Variants in NCAM1 observed in about 807,000 individuals in gnomAD.
NCAM1 encodes neural cell adhesion molecule 1.
In NCAM1, 14 loss-of-function variants were observed where a neutral mutation model predicts 109.8. The observed-to-expected ratio is 0.13, with a 90% confidence interval of 0.08 to 0.20. The LOEUF is 0.20. Among genes scored for constraint, NCAM1 ranks in the 10% least tolerant of loss-of-function variants. The pLI is 1.00. For missense variants in NCAM1, 774 were observed against 1,109.9 expected, an observed-to-expected ratio of 0.70 and a Z score of 4.30; for synonymous variants, 418 against 442.9, an observed-to-expected ratio of 0.94 and a Z score of 0.70.
At chr11:113,271,991 C>T in intron 19 of NCAM1, 115 bp downstream of exon 19, 3 of 702,270 alleles carry the variant, frequency 4.3e-6, no homozygotes, top group Non-Finnish European at 6.8e-6. Context: ...ACAGTTCAGG[C>T]CAGGATTCCA....
Position 113,277,475 on chromosome 11 carries a change from G to C in NCAM1, c.*2088G>C. On this transcript the variant is annotated 3_prime_UTR_variant, in exon 20 of 20. Transcript: ENST00000316851. ...TAGAGGAACATGAAGAGAGATCTTA[G>C]AGCACACAGTAGAATGTGAGAGCCT... 2.5e-6 allele frequency: 1 copy of C among 399,018 alleles called. No homozygotes were observed. 24.7% of individuals were successfully genotyped at this position (399,018 alleles called of 1,614,324 possible).
At chr11:113,093,348 C>T (rs1939444733) in intron 1 of NCAM1, among the ~76,000 whole-genome samples, 1 of 152,176 alleles carries the variant, frequency 6.6e-6, no homozygotes, top group Non-Finnish European at 1.5e-5. Context: ...TCAAGGAAAG[C>T]TTGTTTCAAA....
chr11:112,995,711 A>G (rs1951574611), intron 1 of NCAM1, among the ~76,000 whole-genome samples: 1 of 152,204 alleles, frequency 6.6e-6, no homozygotes, highest in African/African-American at 2.4e-5. Flanking sequence ...AACTCTGCAT[A>G]GTTTTTTGAT....
intron 7 of NCAM1, among the ~76,000 whole-genome samples, chr11:113,210,775 A>ACAC (rs1944363983): frequency 6.9e-5 from 9 of 130,978 alleles, no homozygotes; most frequent in East Asian, 2.3e-4. Flanking sequence ...CTTCATCACA[A>ACAC]ACACACACAC....
At chr11:113,164,783 TA>T (rs1238200726) in intron 1 of NCAM1, among the ~76,000 whole-genome samples, 8 of 152,098 alleles carry the variant, frequency 5.3e-5, no homozygotes, top group Admixed American at 2.0e-4. Context: ...CAGAGATTTT[TA>T]TGGAGGCTTC....
At chr11:113,084,556 T>G (rs1938992336) in intron 1 of NCAM1, among the ~76,000 whole-genome samples, 1 of 152,212 alleles carries the variant, frequency 6.6e-6, no homozygotes, top group Non-Finnish European at 1.5e-5. Context: ...CTTCGTGGTA[T>G]AAAAATAATG....
chr11:113,184,804 C>T (rs2136633685), intron 1 of NCAM1, among the ~76,000 whole-genome samples: 1 of 152,206 alleles, frequency 6.6e-6, no homozygotes, highest in Non-Finnish European at 1.5e-5. Flanking sequence ...TGTGAGTTGT[C>T]ATCCTGGGCT....
At chr11:112,997,251 C>G (rs1323515319) in intron 1 of NCAM1, among the ~76,000 whole-genome samples, 1 of 152,052 alleles carries the variant, frequency 6.6e-6, no homozygotes, top group South Asian at 2.1e-4. Flanking sequence ...AATAACGACT[C>G]AGAATTAAAA....
chr11:113,090,416 C>A (rs541184957), intron 1 of NCAM1, among the ~76,000 whole-genome samples: 8 of 152,174 alleles, frequency 5.3e-5, no homozygotes, highest in Admixed American at 2.6e-4. Context: ...AACTACATAG[C>A]GCATTATTTC....
chr11:113,220,602 C>CTTTTTTTTTTTTTTT lies in NCAM1; in HGVS notation c.1060-685_1060-671dup, dbSNP rs1175342641. Among the ~76,000 whole-genome samples, 34 of 75,588 alleles carry CTTTTTTTTTTTTTTT rather than the reference C, an allele frequency of 4.5e-4. 4 individuals are homozygous for CTTTTTTTTTTTTTTT. In the East Asian group the frequency reaches 0.011, roughly 25 times the overall value. 49.6% of individuals were successfully genotyped at this position (75,588 alleles called of 152,430 possible). A position where few individuals can be genotyped will look rare whatever the true frequency, so the allele number is the denominator to read the frequency against. On this transcript the variant is annotated intron_variant, in intron 8 of 19. Coordinates refer to ENST00000316851, the MANE Select transcript of NCAM1 (RefSeq NM_181351.5). ...AGACCTATTCTCTCTCTCTCTCTCT[C>CTTTTTTTTTTTTTTT]TTTTTTTTTTTTTTTTTTTTTTTGA...
At chr11:113,049,900 T>C (rs1953405206) in intron 1 of NCAM1, among the ~76,000 whole-genome samples, 1 of 152,106 alleles carries the variant, frequency 6.6e-6, no homozygotes, top group Non-Finnish European at 1.5e-5. Flanking sequence ...CTTGATTGAG[T>C]TAGTTGTCTT....
intron 1 of NCAM1, among the ~76,000 whole-genome samples, chr11:113,002,456 CTATT>C (rs1951780072): frequency 6.6e-6 from 1 of 152,080 alleles, no homozygotes; most frequent in Non-Finnish European, 1.5e-5. Flanking sequence ...AAAAATTAGG[CTATT>C]TATTAAGCTT....
chr11:113,128,824 G>A (rs1299720385), intron 1 of NCAM1, among the ~76,000 whole-genome samples: 3 of 152,120 alleles, frequency 2.0e-5, no homozygotes, highest in Non-Finnish European at 2.9e-5. Flanking sequence ...GGTACAGGCC[G>A]TGTTTGTCAC....
chr11:113,094,324 A>G (rs1357710815), intron 1 of NCAM1, among the ~76,000 whole-genome samples: 2 of 152,216 alleles, frequency 1.3e-5, no homozygotes, highest in African/African-American at 4.8e-5. Flanking sequence ...GATAGACATC[A>G]GGCTGATTTG....
At chr11:113,106,453 A>G (rs560589791) in intron 1 of NCAM1, among the ~76,000 whole-genome samples, 9 of 152,324 alleles carry the variant, frequency 5.9e-5, no homozygotes, top group Admixed American at 2.0e-4. Context: ...TGGCTCTTGT[A>G]TTTGCTGAAG....
intron 1 of NCAM1, among the ~76,000 whole-genome samples, chr11:113,199,829 T>TGGAAAAAAAAAAAAAAAA (rs60389510): frequency 8.6e-6 from 1 of 115,766 alleles, no homozygotes; most frequent in African/African-American, 3.4e-5. Context: ...GAAACACCCT[T>TGGAAAAAAAAAAAAAAAA]AAAAAAAAAA....
chr11:113,056,928 A>T (rs1408141504), intron 1 of NCAM1, among the ~76,000 whole-genome samples: 2 of 152,224 alleles, frequency 1.3e-5, no homozygotes, highest in African/African-American at 2.4e-5. Context: ...ACTTACATTC[A>T]TAGAATCGTT....
chr11:113,052,841 C>T (rs1446620875), intron 1 of NCAM1, among the ~76,000 whole-genome samples: 1 of 152,090 alleles, frequency 6.6e-6, no homozygotes, highest in East Asian at 1.9e-4. Context: ...CTGATGCTCT[C>T]CCTCCCCTTA....
chr11:113,007,513 A>T (rs1046279201), intron 1 of NCAM1, among the ~76,000 whole-genome samples: 3 of 152,222 alleles, frequency 2.0e-5, no homozygotes, highest in Non-Finnish European at 4.4e-5. Context: ...AATCCAAGCT[A>T]AGGGACGTGC....
Sources: gnomAD v4.1 joint callset for allele counts (sites outside exome capture counted in the v4.1 genomes callset) on GRCh38, gnomAD v4.1.1 for gene constraint, MANE v1.5 for transcripts, NCBI Gene and HGNC (gene_info 2026-07-23, HGNC 2026-07-21) for gene names.